Variants in ANXA8 observed in about 807,000 individuals in gnomAD.
ANXA8 encodes VAC-beta.
Under a neutral mutation model 26.8 loss-of-function variants are expected in ANXA8, and 9 were observed. The observed-to-expected ratio is 0.34, with a 90% CI of 0.20 to 0.59. ANXA8 has a LOEUF of 0.59. Among genes scored for constraint, ANXA8 ranks in the 20% least tolerant of loss-of-function variants. The probability of loss-of-function intolerance (pLI) is 0.84; values close to 1 mark genes in which losing one functional copy is unlikely to be tolerated. For missense variants in ANXA8, 83 were observed against 238.5 expected, an observed-to-expected ratio of 0.35 and a Z score of 4.29; for synonymous variants, 39 against 94.8, an observed-to-expected ratio of 0.41 and a Z score of 3.42.
chr10:47,687,264 A>T, the ANXA8 span, among the ~76,000 whole-genome samples: 3 of 130,920 alleles, frequency 2.3e-5, no homozygotes, highest in African/African-American at 5.8e-5. Flanking sequence ...TCCCACCAAC[A>T]TTTTTTTTTT....
At chr10:47,950,410 A>G in the ANXA8 span, among the ~76,000 whole-genome samples, 2 of 152,192 alleles carry the variant, frequency 1.3e-5, no homozygotes, top group Non-Finnish European at 2.9e-5. Context: ...TGATGCCTAT[A>G]GAACCTTCTA....
At chr10:47,703,447 G>T in the ANXA8 span, among the ~76,000 whole-genome samples, 9 of 150,778 alleles carry the variant, frequency 6.0e-5, no homozygotes, top group Non-Finnish European at 1.2e-4. Flanking sequence ...GTGCCCCTAT[G>T]GTCCCAGCTA....
chr10:47,587,799 G>C, the ANXA8 span, among the ~76,000 whole-genome samples: 1 of 146,452 alleles, frequency 6.8e-6, no homozygotes, highest in Non-Finnish European at 1.5e-5. Context: ...AGAATAAGAA[G>C]AAGACTGAAA....
At chr10:47,481,654 G>A (rs1839811079) in intron 1 of ANXA8, among the ~76,000 whole-genome samples, 1 of 151,924 alleles carries the variant, frequency 6.6e-6, no homozygotes, top group East Asian at 2.0e-4. Flanking sequence ...TAGGTCTCAG[G>A]TGCAGCATTT....
At chr10:47,626,264 G>A in the ANXA8 span, among the ~76,000 whole-genome samples, 1 of 149,954 alleles carries the variant, frequency 6.7e-6, no homozygotes, top group Non-Finnish European at 1.5e-5. Context: ...TGGCTACTTA[G>A]ATTTTATCAA....
At chr10:47,693,494 G>T in the ANXA8 span, among the ~76,000 whole-genome samples, 1 of 151,332 alleles carries the variant, frequency 6.6e-6, no homozygotes, top group East Asian at 2.0e-4. Context: ...GTTTCACTGT[G>T]TTAGCCAGGA....
At chr10:47,668,970 G>T in the ANXA8 span, among the ~76,000 whole-genome samples, 1 of 151,828 alleles carries the variant, frequency 6.6e-6, no homozygotes, top group African/African-American at 2.4e-5. Flanking sequence ...GTGGGAGGAG[G>T]TCTGTATGCC....
the ANXA8 span, among the ~76,000 whole-genome samples, chr10:47,738,592 T>C: frequency 1.3e-5 from 2 of 152,156 alleles, no homozygotes; most frequent in Non-Finnish European, 2.9e-5. Context: ...TTTTTTTTTT[T>C]TTGATACAGG....
chr10:47,945,039 C>T, the ANXA8 span, among the ~76,000 whole-genome samples: 4 of 150,548 alleles, frequency 2.7e-5, no homozygotes, highest in Non-Finnish European at 4.4e-5. Flanking sequence ...CCTACAACTC[C>T]CAGCTAGCCT....
the ANXA8 span, among the ~76,000 whole-genome samples, chr10:47,586,537 G>T: frequency 6.9e-6 from 1 of 145,238 alleles, no homozygotes; most frequent in Non-Finnish European, 1.5e-5. Flanking sequence ...ACTAGCTGAG[G>T]CTTATCCGCA....
chr10:47,775,414 A>C, the ANXA8 span, among the ~76,000 whole-genome samples: 1 of 150,444 alleles, frequency 6.6e-6, no homozygotes, highest in South Asian at 2.1e-4. Flanking sequence ...TGGCTAGTAC[A>C]GTTAACTTGG....
chr10:47,756,365 TGACCA>T, the ANXA8 span: 1 of 145,482 alleles, frequency 6.9e-6, no homozygotes, highest in Admixed American at 8.9e-5. Flanking sequence ...CCCGCCGGCG[TGACCA>T]GAGGAAGCCG....
the ANXA8 span, among the ~76,000 whole-genome samples, chr10:47,774,355 C>T: frequency 1.9e-5 from 2 of 104,772 alleles, no homozygotes; most frequent in African/African-American, 3.3e-5. Context: ...ATCCACTCAG[C>T]GAGGATTTCC....
the ANXA8 span, among the ~76,000 whole-genome samples, chr10:47,953,255 GA>G: frequency 6.7e-6 from 1 of 148,276 alleles, no homozygotes; most frequent in Non-Finnish European, 1.5e-5. Context: ...AGATCAGTAA[GA>G]AGAAGACAAA....
At chr10:47,651,495 A>G in the ANXA8 span, among the ~76,000 whole-genome samples, 2 of 151,128 alleles carry the variant, frequency 1.3e-5, no homozygotes, top group South Asian at 4.2e-4. Flanking sequence ...AAATGACAAC[A>G]TATGTCCATA....
chr10:47,928,966 G>A, the ANXA8 span, among the ~76,000 whole-genome samples: 1 of 122,780 alleles, frequency 8.1e-6, no homozygotes, highest in Admixed American at 8.3e-5. Flanking sequence ...ATAGAGACTG[G>A]GTCTCCCTAT....
At chr10:47,704,228 T>C in the ANXA8 span, among the ~76,000 whole-genome samples, 1 of 144,164 alleles carries the variant, frequency 6.9e-6, no homozygotes, top group African/African-American at 2.4e-5. Flanking sequence ...TTAGTCGACA[T>C]AGTGAGGAAT....
the ANXA8 span, among the ~76,000 whole-genome samples, chr10:47,686,375 T>C: frequency 3.0e-4 from 46 of 151,646 alleles, no homozygotes; most frequent in South Asian, 5.2e-3. Flanking sequence ...CGTGCCACCA[T>C]ACCTGGCTAA....
At chr10:47,941,458 C>G in the ANXA8 span, among the ~76,000 whole-genome samples, 2 of 146,610 alleles carry the variant, frequency 1.4e-5, 1 homozygote, top group Non-Finnish European at 3.0e-5. Flanking sequence ...AGTTTGAGAT[C>G]AGCCTGGCCA....
Sources: gnomAD v4.1 joint callset for allele counts (sites outside exome capture counted in the v4.1 genomes callset) on GRCh38, gnomAD v4.1.1 for gene constraint, MANE v1.5 for transcripts, NCBI Gene and HGNC (gene_info 2026-07-23, HGNC 2026-07-21) for gene names.